Variants in EXOC6 observed in about 807,000 individuals in gnomAD.
The protein encoded by EXOC6 is SEC15-like 1.
A neutral mutation model predicts 112.5 loss-of-function variants in EXOC6; 60 were observed. The ratio of observed to expected loss-of-function variants is 0.53; its 90% CI spans 0.43 to 0.66. EXOC6 has a LOEUF of 0.66. EXOC6 is among the 30% of genes least tolerant of loss of function. The pLI is 0.00. For missense variants in EXOC6, 855 were observed against 957.1 expected, an observed-to-expected ratio of 0.89 and a Z score of 1.41; for synonymous variants, 295 against 308.0, an observed-to-expected ratio of 0.96 and a Z score of 0.44.
chr10:92,855,115 A>G (rs1279337240), intron 1 of EXOC6, among the ~76,000 whole-genome samples: 1 of 152,196 alleles, frequency 6.6e-6, no homozygotes, highest in Admixed American at 6.5e-5. Flanking sequence ...ACAAAATCTC[A>G]CTGTGTTGCC....
intron 19 of EXOC6, among the ~76,000 whole-genome samples, chr10:92,998,838 T>C (rs1843617732): frequency 6.6e-6 from 1 of 152,194 alleles, no homozygotes; most frequent in Admixed American, 6.5e-5. Context: ...TTTCTCAAAG[T>C]AAAGCTATTG....
chr10:92,955,745 T>G (rs757901669), intron 17 of EXOC6, 31 bp downstream of exon 17: 11 of 1,595,692 alleles, frequency 6.9e-6, no homozygotes, highest in Non-Finnish European at 9.4e-6. Context: ...AAGTTTTCAT[T>G]TCAGTCACTG....
At chr10:92,986,137 A>AC (rs1842996517) in intron 18 of EXOC6, among the ~76,000 whole-genome samples, 4 of 152,172 alleles carry the variant, frequency 2.6e-5, no homozygotes, top group Admixed American at 2.6e-4. Context: ...ACATCCTGTG[A>AC]CATACATGGT....
chr10:92,833,810 G>A (rs566283566), upstream of EXOC6, among the ~76,000 whole-genome samples: 2 of 152,318 alleles, frequency 1.3e-5, no homozygotes, highest in Middle Eastern at 3.4e-3. Flanking sequence ...TCGAATGCAA[G>A]TGGTAATGGG....
intron 20 of EXOC6, among the ~76,000 whole-genome samples, chr10:93,048,136 G>A (rs559922132): frequency 6.6e-6 from 1 of 152,196 alleles, no homozygotes; most frequent in South Asian, 2.1e-4. Context: ...TGCATGGAGG[G>A]ATAGCATTAG....
At chr10:92,898,461 T>C (rs1379523175) in intron 4 of EXOC6, among the ~76,000 whole-genome samples, 1 of 150,848 alleles carries the variant, frequency 6.6e-6, no homozygotes, top group East Asian at 2.0e-4. Context: ...GCATAAACAA[T>C]GCATTTATTT....
chr10:92,928,375 CAAAG>C lies in EXOC6; in HGVS notation c.933_936del (p.Lys311AsnfsTer28), dbSNP rs1241864186. 6 of 1,609,646 alleles carry C rather than the reference CAAAG, an allele frequency of 3.7e-6. No homozygotes were observed. The highest frequency in any genetic ancestry group is 1.7e-5 in the Admixed American group (1 of 59,436). On this transcript the variant is annotated frameshift_variant, in exon 9 of 22. Coordinates refer to ENST00000260762, the MANE Select transcript of EXOC6 (RefSeq NM_019053.6). LOFTEE classifies it high-confidence loss of function. Reference sequence around the variant, plus strand: ...AACATTTGAAAACTATTATCGAAAACAAAGAAAGAAACAAGCAAGACTGGTATTG... The same window carrying C: ...AACATTTGAAAACTATTATCGAAAACAAAGAAACAAGCAAGACTGGTATTG...
upstream of EXOC6, chr10:92,831,308 CG>C: frequency 7.8e-7 from 1 of 1,288,646 alleles, no homozygotes; most frequent in Non-Finnish European, 1.0e-6. Flanking sequence ...CCGGCTGTAC[CG>C]GAAGAGGATG....
chr10:92,935,309 A>G (rs765473738), intron 11 of EXOC6, among the ~76,000 whole-genome samples: 6 of 152,022 alleles, frequency 3.9e-5, no homozygotes, highest in Admixed American at 1.3e-4. Context: ...ATTCCATGAT[A>G]CCAAATATGA....
intron 18 of EXOC6, among the ~76,000 whole-genome samples, chr10:92,981,973 G>C (rs922809279): frequency 2.6e-5 from 4 of 152,034 alleles, no homozygotes; most frequent in Non-Finnish European, 5.9e-5. Context: ...AACATTAGCC[G>C]GGCAGGGTGG....
At chr10:93,006,005 T>A (rs1843960394) in intron 19 of EXOC6, among the ~76,000 whole-genome samples, 1 of 151,436 alleles carries the variant, frequency 6.6e-6, no homozygotes, top group South Asian at 2.1e-4. Flanking sequence ...GCAAAAAAAA[T>A]TAAAATTACT....
intron 18 of EXOC6, among the ~76,000 whole-genome samples, chr10:92,988,151 A>G (rs953388567): frequency 6.6e-6 from 1 of 152,150 alleles, no homozygotes; most frequent in African/African-American, 2.4e-5. Context: ...TGCATGACCC[A>G]GTGTGATTCA....
intron 19 of EXOC6, among the ~76,000 whole-genome samples, chr10:93,001,010 T>C (rs1301528931): frequency 1.3e-5 from 2 of 152,246 alleles, no homozygotes; most frequent in African/African-American, 2.4e-5. Context: ...AGGAAAGTAG[T>C]TCTTTAAATA....
chr10:93,029,168 A>AT (rs1246614350), intron 20 of EXOC6, among the ~76,000 whole-genome samples: 17 of 152,022 alleles, frequency 1.1e-4, no homozygotes, highest in South Asian at 6.2e-4. Flanking sequence ...GATCATTAGC[A>AT]TTTTTTTTGT....
At chr10:93,049,208 C>T (rs912308242) in intron 20 of EXOC6, among the ~76,000 whole-genome samples, 1 of 152,048 alleles carries the variant, frequency 6.6e-6, no homozygotes, top group African/African-American at 2.4e-5. Context: ...CAGGTGCCTG[C>T]CACCATGCCC....
chr10:92,947,744 C>A lies in EXOC6; in HGVS notation c.1311-530C>A, dbSNP rs529975690. ...CTAACACGGTGAAACCCCTTCTTTACTAAAAATAAAATTAGCCAGGCGTGG... is the reference window on the plus strand; with the variant it reads ...CTAACACGGTGAAACCCCTTCTTTAATAAAAATAAAATTAGCCAGGCGTGG... On this transcript the variant is annotated intron_variant, in intron 13 of 21. Coordinates refer to ENST00000260762, the MANE Select transcript of EXOC6 (RefSeq NM_019053.6). Among the ~76,000 whole-genome samples the A allele has an allele frequency of 4.6e-5, 7 of 152,168 alleles. No homozygotes were observed. The East Asian group carries it at 1.4e-3, about 29-fold the overall frequency.
chr10:92,897,903 A>G (rs1849916757), intron 4 of EXOC6, among the ~76,000 whole-genome samples: 1 of 152,132 alleles, frequency 6.6e-6, no homozygotes, highest in African/African-American at 2.4e-5. Context: ...AAAATGTATA[A>G]AAGCAAACTG....
rs111776699 is a variant in EXOC6 at position 92,842,788 on chromosome 10, G to A, written c.86+7964G>A. Among the ~76,000 whole-genome samples, 493 of 152,268 alleles carry A rather than the reference G, an allele frequency of 3.2e-3. 2 individuals carry two copies. Among genetic ancestry groups the A allele is most frequent in the Admixed American group, 6.1e-3 (93 of 15,296 alleles). On this transcript the variant is annotated intron_variant, in intron 1 of 21. Coordinates refer to the EXOC6 transcript ENST00000371552. ...AATGATATTGTTCTTTAACTGCTCA[G>A]TGGACTTTAAAATGTTTAGTTTTGA...
At chr10:92,951,344 T>C (rs770117582) in intron 14 of EXOC6, among the ~76,000 whole-genome samples, 1 of 151,976 alleles carries the variant, frequency 6.6e-6, no homozygotes, top group Non-Finnish European at 1.5e-5. Context: ...AGCACAGCAA[T>C]AATTAAGTAA....
Sources: gnomAD v4.1 joint callset for allele counts (sites outside exome capture counted in the v4.1 genomes callset) on GRCh38, gnomAD v4.1.1 for gene constraint, MANE v1.5 for transcripts, NCBI Gene and HGNC (gene_info 2026-07-23, HGNC 2026-07-21) for gene names.